The following THSD7A variants were observed in gnomAD, a reference collection of about 807,000 sequenced individuals.
THSD7A encodes the protein thrombospondin type-1 domain-containing protein 7A.
Under a neutral mutation model 231.3 loss-of-function variants are expected in THSD7A, and 96 were observed. The ratio of observed to expected loss-of-function variants is 0.41; its 90% CI spans 0.35 to 0.49. The LOEUF (loss-of-function observed/expected upper bound fraction) is 0.49. THSD7A is among the 20% of genes least tolerant of loss of function. THSD7A has a pLI of 0.05. For synonymous variants in THSD7A, 940 were observed against 743.3 expected, an observed-to-expected ratio of 1.26 and a Z score of -4.30; for missense variants, 2,290 against 2,070.2, an observed-to-expected ratio of 1.11 and a Z score of -2.06.
At chr7:11,517,813 T>A (rs17164696) in intron 6 of THSD7A, among the ~76,000 whole-genome samples, 22,074 of 152,228 alleles carry the variant, frequency 0.15, 1,746 homozygotes, top group African/African-American at 0.21. Flanking sequence ...ATTCTTCCCA[T>A]CTAGAATCAG....
chr7:11,395,036 A>G (rs983709806), intron 23 of THSD7A, among the ~76,000 whole-genome samples: 21 of 152,196 alleles, frequency 1.4e-4, no homozygotes, highest in African/African-American at 4.8e-4. Context: ...TTGAATAACA[A>G]GTCAAGACCC....
At chr7:11,574,831 TAA>T (rs1790818112) in intron 4 of THSD7A, among the ~76,000 whole-genome samples, 1 of 152,174 alleles carries the variant, frequency 6.6e-6, no homozygotes, top group South Asian at 2.1e-4. Context: ...AATCACTATT[TAA>T]AAGAGAGGCA....
At chr7:11,678,067 A>C (rs933645228) in intron 1 of THSD7A, among the ~76,000 whole-genome samples, 4 of 152,196 alleles carry the variant, frequency 2.6e-5, no homozygotes, top group Non-Finnish European at 5.9e-5. Context: ...ACTACATGGA[A>C]ACTGAACAAC....
At chr7:11,708,864 T>C (rs1002312347) in intron 1 of THSD7A, among the ~76,000 whole-genome samples, 2 of 150,814 alleles carry the variant, frequency 1.3e-5, no homozygotes, top group African/African-American at 4.8e-5. Context: ...AAATTTAATG[T>C]GACTACCAAA....
intron 11 of THSD7A, among the ~76,000 whole-genome samples, chr7:11,459,664 G>A (rs1257735358): frequency 8.6e-6 from 1 of 115,870 alleles, no homozygotes; most frequent in African/African-American, 3.5e-5. Flanking sequence ...AAAAACAGGG[G>A]ATTTTTTTTT....
At chr7:11,599,040 G>A (rs926500338) in intron 2 of THSD7A, among the ~76,000 whole-genome samples, 1 of 152,168 alleles carries the variant, frequency 6.6e-6, no homozygotes, top group African/African-American at 2.4e-5. Flanking sequence ...CAGAGGTAAG[G>A]AAAAGTATGC....
intron 1 of THSD7A, among the ~76,000 whole-genome samples, chr7:11,783,672 T>C (rs1783700995): frequency 6.6e-6 from 1 of 152,114 alleles, no homozygotes; most frequent in Non-Finnish European, 1.5e-5. Flanking sequence ...TTTGGGCAAT[T>C]GGCAATCAAC....
rs984238 is a variant in THSD7A at position 11,411,809 on chromosome 7, T to A, written c.3683-487A>T. Among the ~76,000 whole-genome samples, 8,934 of 152,218 alleles carry A rather than the reference T, an allele frequency of 0.059. 546 individuals carry two copies. Among genetic ancestry groups the A allele is most frequent in the African/African-American group, 0.14 (5,704 of 41,492 alleles). On this transcript the variant is annotated intron_variant, in intron 18 of 27. Transcript: ENST00000423059. The surrounding 1 kb of genome is among the most constrained non-coding windows in gnomAD (Gnocchi z 4.1). ...CGTTTATTAAAGTGATAAAAATCACTTTGGCCATATTTATTCATTCTCTTA... is the reference window on the plus strand; with the variant it reads ...CGTTTATTAAAGTGATAAAAATCACATTGGCCATATTTATTCATTCTCTTA...
chr7:11,718,298 G>T (rs569353702), intron 1 of THSD7A, among the ~76,000 whole-genome samples: 22 of 151,676 alleles, frequency 1.5e-4, no homozygotes, highest in African/African-American at 5.1e-4. Flanking sequence ...TTTAAATTTT[G>T]TTCCCCCACC....
At chr7:11,426,930 T>C (rs547715617) in intron 14 of THSD7A, among the ~76,000 whole-genome samples, 1 of 152,250 alleles carries the variant, frequency 6.6e-6, no homozygotes, top group South Asian at 2.1e-4. Context: ...ATGGGCAGGA[T>C]GGAGAAATCT....
At chr7:11,555,277 T>A (rs1389521011) in intron 4 of THSD7A, among the ~76,000 whole-genome samples, 1 of 151,940 alleles carries the variant, frequency 6.6e-6, no homozygotes, top group African/African-American at 2.4e-5. Flanking sequence ...GCCTCACAGA[T>A]TTTGATATAT....
At chr7:11,782,502 G>T (rs1388446625) in intron 1 of THSD7A, among the ~76,000 whole-genome samples, 1 of 152,118 alleles carries the variant, frequency 6.6e-6, no homozygotes, top group Non-Finnish European at 1.5e-5. Flanking sequence ...TATTTAGGAA[G>T]GAAGAAAAGT....
rs17552742 is a variant in THSD7A, at chr7:11,375,883, A to T, written c.4890-5T>A. On this transcript the variant is annotated splice_polypyrimidine_tract_variant and splice_region_variant and intron_variant, in intron 27 of 27. Coordinates refer to ENST00000423059, the MANE Select transcript of THSD7A (RefSeq NM_015204.3). The stretch of plus-strand genomic sequence containing the variant: ...TGGGGTTTCTTTGGCTTTTTGCTGT[A>T]AAAAAATTCGGAATTAGGAGAAAGA... 6.3e-7 allele frequency: 1 copy of T among 1,599,478 alleles called. No individual in the cohort carries two copies. Among genetic ancestry groups the T allele is most frequent in the Admixed American group, 1.7e-5 (1 of 59,672 alleles).
At chr7:11,735,959 T>C (rs1361216246) in intron 1 of THSD7A, among the ~76,000 whole-genome samples, 1 of 151,934 alleles carries the variant, frequency 6.6e-6, no homozygotes, top group Middle Eastern at 3.2e-3. Context: ...TGGCAGTGTA[T>C]TTACTTCTAG....
At chr7:11,433,861 G>A (rs890520973) in intron 13 of THSD7A, among the ~76,000 whole-genome samples, 3 of 151,960 alleles carry the variant, frequency 2.0e-5, no homozygotes, top group East Asian at 1.9e-4. Flanking sequence ...TTTTATGTCC[G>A]ATTTTCCAAT....
chr7:11,527,297 CTA>C (rs1449123387), intron 6 of THSD7A, among the ~76,000 whole-genome samples: 1 of 151,916 alleles, frequency 6.6e-6, no homozygotes, highest in Non-Finnish European at 1.5e-5. Flanking sequence ...ATCTCAGCAG[CTA>C]TGATTTCTAG....
chr7:11,598,000 C>T (rs958011385), intron 2 of THSD7A, among the ~76,000 whole-genome samples: 13 of 152,256 alleles, frequency 8.5e-5, no homozygotes, highest in African/African-American at 2.2e-4. Flanking sequence ...TGGTTCTGCA[C>T]GGTATGCAGG....
At position 11,689,514 on chromosome 7, in the gene THSD7A, A is replaced by G. The variant is rs1039917071; in HGVS notation, c.191-52553T>C. On this transcript the variant is annotated intron_variant, in intron 1 of 27. Coordinates refer to ENST00000423059, the MANE Select transcript of THSD7A (RefSeq NM_015204.3). ...ACTCCTCACTTTTCCTTTTTTGTCA[A>G]TTGAAAAGAAGCCCACGTTTTTTTC... 8.6e-5 allele frequency among the ~76,000 whole-genome samples: 13 copies of G among 151,800 alleles called. No homozygotes were observed. In the East Asian group the frequency reaches 1.6e-3, roughly 18 times the overall value.
chr7:11,723,798 G>A (rs1781446498), intron 1 of THSD7A, among the ~76,000 whole-genome samples: 1 of 151,894 alleles, frequency 6.6e-6, no homozygotes, highest in Non-Finnish European at 1.5e-5. Flanking sequence ...GGTCAGTAGG[G>A]CCAAAGCAGA....
Sources: gnomAD v4.1 joint callset for allele counts (sites outside exome capture counted in the v4.1 genomes callset) on GRCh38, gnomAD v4.1.1 for gene constraint, Gnocchi (gnomAD v3.1) non-coding constraint, MANE v1.5 for transcripts, NCBI Gene and HGNC (gene_info 2026-07-23, HGNC 2026-07-21) for gene names.